The following MDGA1 variants were observed in gnomAD, a reference collection of about 807,000 sequenced individuals.
MDGA1 encodes MAM domain-containing glycosylphosphatidylinositol anchor protein 1.
A neutral mutation model predicts 101.5 loss-of-function variants in MDGA1; 54 were observed. That is an observed-to-expected ratio of 0.53 (90% confidence interval 0.43 to 0.67). MDGA1 has a LOEUF of 0.67. Among genes scored for constraint, MDGA1 ranks in the 30% least tolerant of loss-of-function variants. The pLI is 0.00. For synonymous variants in MDGA1, 533 were observed against 558.3 expected (o/e 0.95, Z 0.64); for missense variants, 1,083 against 1,323.8 (o/e 0.82, Z 2.82).
chr6:37,645,980 A>C, intron 11 of MDGA1, 24 bp from the exon 12 acceptor site: 1 of 1,613,962 alleles, frequency 6.2e-7, no homozygotes, highest in Non-Finnish European at 8.5e-7. Context: ...CGGGGAAACC[A>C]AGTCAGAACT....
intron 13 of MDGA1, 150 bp from the exon 14 acceptor site, chr6:37,644,093 A>C (rs1425866774): frequency 2.1e-6 from 1 of 476,294 alleles, no homozygotes; most frequent in African/African-American, 2.2e-5. Flanking sequence ...GCCTCACCCC[A>C]CACATCCTGC....
Position 37,645,935 on chromosome 6 carries a change from G to A in MDGA1, c.2246C>T (p.Ser749Leu). ...YTEPINSPNL[S>L]DNTCHFEDEK... ...CATGGGTGACTGGGGAGTCTCACCT[G>A]AAAGGTTCGGAGAGTTGATGGCTGA... The change falls in exon 12 of 17, where the codon TCA becomes TTA. Residue 749 changes from serine to leucine, a missense_variant and splice_region_variant. Coordinates refer to ENST00000434837, the MANE Select transcript of MDGA1 (RefSeq NM_153487.4). 6.2e-7 allele frequency: 1 copy of A among 1,613,992 alleles called. No homozygotes were observed. Among genetic ancestry groups the A allele is most frequent in the Non-Finnish European group, 8.5e-7 (1 of 1,179,900 alleles).
intron 2 of MDGA1, among the ~76,000 whole-genome samples, chr6:37,661,169 G>T (rs1262808487): frequency 1.3e-5 from 2 of 152,136 alleles, no homozygotes; most frequent in Non-Finnish European, 2.9e-5. Context: ...TTCAATTCCA[G>T]CTCCCAGCCA....
In MDGA1 at chr6:37,647,267, T is replaced by C. The variant is rs1218652467; in HGVS notation, c.1952A>G (p.Lys651Arg). ...FDTPNPTRSH[K>R]LSKNYSYVLQ... is the part of the protein sequence containing the mutation. ...CACGTAGGAGTAGTTCTTGGACAGC[T>C]TGTGGCTGCGGGTGGGGTTGGGGGT... The change falls in exon 10 of 17, where the codon AAG (lysine) becomes AGG (arginine). Residue 651 changes from lysine to arginine, a missense_variant. By Grantham distance (26) the Lys-to-Arg change is conservative. Transcript: ENST00000434837. The C allele has an allele frequency of 6.4e-7, 1 of 1,566,142 alleles. No individual in the cohort carries two copies. Among genetic ancestry groups the C allele is most frequent in the East Asian group, 2.4e-5 (1 of 42,260 alleles).
chr6:37,659,829 C>A (rs1440021124), intron 2 of MDGA1, among the ~76,000 whole-genome samples: 10 of 152,066 alleles, frequency 6.6e-5, no homozygotes. Flanking sequence ...CAGTTTCAGG[C>A]AAGACATACC....
chr6:37,680,211 C>A (rs1762065140), intron 1 of MDGA1, among the ~76,000 whole-genome samples: 1 of 152,238 alleles, frequency 6.6e-6, no homozygotes, highest in Admixed American at 6.5e-5. Context: ...TTGCCTGACC[C>A]TTCCCAGAAT....
intron 1 of MDGA1, among the ~76,000 whole-genome samples, chr6:37,687,400 T>TA (rs549945070): frequency 0.16 from 20,065 of 128,858 alleles, 1,583 homozygotes; most frequent in East Asian, 0.28. Flanking sequence ...TACTAAAAAT[T>TA]AAAAAAAAAA....
intron 1 of MDGA1, among the ~76,000 whole-genome samples, chr6:37,691,065 A>C (rs1448634615): frequency 6.6e-6 from 1 of 151,972 alleles, no homozygotes; most frequent in Non-Finnish European, 1.5e-5. Flanking sequence ...ATTTATCAAA[A>C]TCTCCCCCTA....
At chr6:37,691,524 G>A (rs3901254) in intron 1 of MDGA1, among the ~76,000 whole-genome samples, 17,472 of 152,154 alleles carry the variant, frequency 0.11, 1,129 homozygotes, top group East Asian at 0.28. Flanking sequence ...ATGACCAAAC[G>A]AATGGTGGGT....
In MDGA1 at chr6:37,635,893, G is replaced by GGA. The variant is rs1561836415; in HGVS notation, c.*1474_*1475insTC. Reference sequence around the variant, plus strand: ...ATCACTCAGGAAGGTGGACACACACGCTGACGTACACGGACATTCATAGAA... The same window carrying GGA: ...ATCACTCAGGAAGGTGGACACACACGGACTGACGTACACGGACATTCATAGAA... On this transcript the variant is annotated 3_prime_UTR_variant, in exon 17 of 17. Transcript: ENST00000434837. 18 of 397,778 alleles carry GGA rather than the reference G, an allele frequency of 4.5e-5. No homozygotes were observed. Among genetic ancestry groups the GGA allele is most frequent in the Middle Eastern group, 1.3e-3 (2 of 1,586 alleles). 24.6% of individuals were successfully genotyped at this position (397,778 alleles called of 1,614,324 possible). A position where few individuals can be genotyped will look rare whatever the true frequency, so the allele number is the denominator to read the frequency against.
chr6:37,663,933 G>A (rs745441017), intron 2 of MDGA1, 34 bp downstream of exon 2: 4 of 1,612,250 alleles, frequency 2.5e-6, no homozygotes, highest in African/African-American at 2.7e-5. Context: ...GTGAGGGTAG[G>A]AGGGGCCTGA....
intron 1 of MDGA1, among the ~76,000 whole-genome samples, chr6:37,665,810 C>T (rs1761736747): frequency 6.6e-6 from 1 of 152,168 alleles, no homozygotes; most frequent in African/African-American, 2.4e-5. Context: ...TGTCTGCACC[C>T]CAAAGTGAAC....
At chr6:37,648,910 C>T (rs1761283768) in intron 9 of MDGA1, 72 bp downstream of exon 9, 4 of 1,491,156 alleles carry the variant, frequency 2.7e-6, no homozygotes, top group Non-Finnish European at 3.6e-6. Flanking sequence ...AAGAATCACC[C>T]GGGCTGGGAT....
At chr6:37,662,347 T>C (rs1341418952) in intron 2 of MDGA1, among the ~76,000 whole-genome samples, 1 of 151,972 alleles carries the variant, frequency 6.6e-6, no homozygotes, top group South Asian at 2.1e-4. Flanking sequence ...GTGCTTCACA[T>C]CTGTAATCTC....
At chr6:37,641,968 T>A (rs1474627453) in intron 14 of MDGA1, 1 of 152,182 alleles carries the variant, frequency 6.6e-6, no homozygotes, top group Non-Finnish European at 1.5e-5. Flanking sequence ...TTCTCCACGA[T>A]GAGCCTTTAT....
At chr6:37,681,095 G>C (rs916372960) in intron 1 of MDGA1, among the ~76,000 whole-genome samples, 1 of 152,138 alleles carries the variant, frequency 6.6e-6, no homozygotes, top group Non-Finnish European at 1.5e-5. Flanking sequence ...GCAGTGCCTG[G>C]GTCCTACCCT....
chr6:37,637,520 A>C, intron 16 of MDGA1, 61 bp from the exon 17 acceptor site: 1 of 1,477,162 alleles, frequency 6.8e-7, no homozygotes, highest in African/African-American at 1.4e-5. Context: ...CAGGGGCAGG[A>C]AGTGGCAGGC....
In MDGA1 at chr6:37,635,274, G is replaced by C. The variant is rs140064066; in HGVS notation, c.*2094C>G. On this transcript the variant is annotated 3_prime_UTR_variant, in exon 17 of 17. Transcript: ENST00000434837. ...AATCCATTCCACCGGGCAATGGAGT[G>C]GTTTCCACACCAGGCTCACTTGTGC... 6.7e-4 allele frequency: 265 copies of C among 395,982 alleles called. No homozygotes were observed. The highest frequency in any genetic ancestry group is 5.2e-3 in the African/African-American group (251 of 48,716). The allele number at this position is 395,982 out of a possible 1,614,324, so 24.5% of individuals were successfully genotyped here.
rs149066273 is a variant in MDGA1, at chr6:37,674,728, T to C, written c.68-10622A>G. On this transcript the variant is annotated intron_variant, in intron 1 of 16. Coordinates refer to ENST00000434837, the MANE Select transcript of MDGA1 (RefSeq NM_153487.4). ...TCCTGATGAAAACTATAAAGGGACT[T>C]TCTCCTGGTGGGTCCCAGGATGCCA... 1.4e-3 allele frequency among the ~76,000 whole-genome samples: 217 copies of C among 152,288 alleles called. 1 individual carries two copies. Among genetic ancestry groups the C allele is most frequent in the Non-Finnish European group, 2.5e-3 (167 of 68,012 alleles).
Sources: gnomAD v4.1 joint callset for allele counts (sites outside exome capture counted in the v4.1 genomes callset) on GRCh38, gnomAD v4.1.1 for gene constraint, MANE v1.5 for transcripts, NCBI Gene and HGNC (gene_info 2026-07-23, HGNC 2026-07-21) for gene names.